Variants in TMPO observed in about 807,000 individuals in gnomAD.
TMPO encodes LEM domain containing 4.
In TMPO, 22 loss-of-function variants were observed where a neutral mutation model predicts 45.4. The observed-to-expected ratio is 0.48, with a 90% CI of 0.35 to 0.69. TMPO has a LOEUF of 0.69. TMPO is among the 30% of genes least tolerant of loss of function. TMPO has a pLI of 0.01. For synonymous variants in TMPO, 241 were observed against 204.1 expected, an observed-to-expected ratio of 1.18 and a Z score of -1.54; for missense variants, 512 against 548.8, an observed-to-expected ratio of 0.93 and a Z score of 0.67.
chr12:98,538,258 T>C (rs1391746800), intron 4 of TMPO, among the ~76,000 whole-genome samples: 1 of 152,256 alleles, frequency 6.6e-6, no homozygotes, highest in Non-Finnish European at 1.5e-5. Context: ...TGATGCTTTA[T>C]AAGACAGCTA....
intron 1 of TMPO, among the ~76,000 whole-genome samples, chr12:98,524,055 C>T (rs1225165409): frequency 1.3e-5 from 2 of 152,050 alleles, no homozygotes; most frequent in Non-Finnish European, 2.9e-5. Flanking sequence ...TTTTTCCTTC[C>T]CCAGATTTGA....
intron 1 of TMPO, among the ~76,000 whole-genome samples, chr12:98,518,209 C>T (rs1876039849): frequency 6.6e-6 from 1 of 150,690 alleles, no homozygotes; most frequent in Non-Finnish European, 1.5e-5. Flanking sequence ...TTATAAAAAA[C>T]CTAATTTTCT....
At chr12:98,538,216 C>CATTGTTTACATTAGA (rs1218013559) in intron 4 of TMPO, among the ~76,000 whole-genome samples, 1 of 152,112 alleles carries the variant, frequency 6.6e-6, no homozygotes, top group African/African-American at 2.4e-5. Context: ...TTACAGAGAA[C>CATTGTTTACATTAGA]AAATTATTGA....
intron 1 of TMPO, among the ~76,000 whole-genome samples, chr12:98,516,688 G>A (rs1194316872): frequency 5.3e-5 from 8 of 152,160 alleles, no homozygotes; most frequent in East Asian, 1.9e-4. Flanking sequence ...AACCGTTTAT[G>A]TTTTCTAGTT....
chr12:98,532,143 T>C lies in TMPO; in HGVS notation c.565+305T>C. On this transcript the variant is annotated intron_variant, in intron 3 of 8. Transcript: ENST00000556029. ...AAAGGCAAAGTTTCTCGTACTTACC[T>C]GTACCTATCACCTCCACAGAAGTAA... The C allele has an allele frequency of 1.7e-5, 5 of 287,060 alleles. No individual in the cohort carries two copies. In the South Asian group the frequency reaches 2.0e-4, roughly 11 times the overall value. The allele number at this position is 287,060 out of a possible 1,614,324, so 17.8% of individuals were successfully genotyped here.
rs748775293 is a variant in TMPO at position 98,533,244 on chromosome 12, T to G, written c.565+1406T>G. 3 of 1,613,820 alleles carry G rather than the reference T, an allele frequency of 1.9e-6. No individual in the cohort carries two copies. Among genetic ancestry groups the G allele is most frequent in the Non-Finnish European group, 1.7e-6 (2 of 1,180,032 alleles). On this transcript the variant is annotated intron_variant, in intron 3 of 8. Coordinates refer to ENST00000556029, the MANE Select transcript of TMPO (RefSeq NM_001032283.3). ...ACTATAAAGACATAGTAGAAAATATTTGCGGTAGAGAGAAAAGTGGAATTC... is the reference window on the plus strand; with the variant it reads ...ACTATAAAGACATAGTAGAAAATATGTGCGGTAGAGAGAAAAGTGGAATTC...
chr12:98,545,128 TG>T lies in TMPO; in HGVS notation c.990+68del, dbSNP rs370898654. On this transcript the variant is annotated intron_variant, in intron 7 of 8. Transcript: ENST00000556029. ...CAAAGAGGAAATATAAATATTTGTT[TG>T]TTTTTTTTTTTTTTTTTTGGAGTGG... 2,984 of 1,182,662 alleles carry T rather than the reference TG, an allele frequency of 2.5e-3. 13 individuals are homozygous for T. The highest frequency in any genetic ancestry group is 0.017 in the East Asian group (663 of 38,280). The allele number at this position is 1,182,662 out of a possible 1,614,324, so 73.3% of individuals were successfully genotyped here.
chr12:98,528,112 T>G, intron 2 of TMPO, 100 bp downstream of exon 2: 1 of 1,360,094 alleles, frequency 7.4e-7, no homozygotes, highest in Admixed American at 1.7e-5. Context: ...AAGGACTGGT[T>G]TGTCATTAAT....
At chr12:98,538,980 C>A (rs1381971573) in intron 4 of TMPO, among the ~76,000 whole-genome samples, 1 of 152,032 alleles carries the variant, frequency 6.6e-6, no homozygotes, top group East Asian at 2.0e-4. Context: ...GCGGGCGGAT[C>A]ACCTGAGGTC....
intron 3 of TMPO, chr12:98,535,507 T>G: frequency 1.0e-6 from 1 of 985,316 alleles, no homozygotes; most frequent in Non-Finnish European, 1.2e-6. Flanking sequence ...TTTCTGAGAG[T>G]AATTTTATTT....
chr12:98,519,769 C>T (rs1876188189), intron 1 of TMPO, among the ~76,000 whole-genome samples: 1 of 152,006 alleles, frequency 6.6e-6, no homozygotes, highest in African/African-American at 2.4e-5. Context: ...AATTAGGAGT[C>T]TGTTCGATGT....
chr12:98,521,422 A>G (rs1239809834), intron 1 of TMPO, among the ~76,000 whole-genome samples: 1 of 151,734 alleles, frequency 6.6e-6, no homozygotes, highest in South Asian at 2.1e-4. Context: ...TATGGGGAAC[A>G]TTTTTAATTA....
At chr12:98,526,200 A>G (rs545512866) in intron 1 of TMPO, among the ~76,000 whole-genome samples, 1 of 152,368 alleles carries the variant, frequency 6.6e-6, no homozygotes, top group East Asian at 1.9e-4. Context: ...TCTGGTGACT[A>G]AACTGTGTCA....
At chr12:98,519,004 C>G (rs1199288385) in intron 1 of TMPO, among the ~76,000 whole-genome samples, 5 of 151,976 alleles carry the variant, frequency 3.3e-5, no homozygotes, top group Non-Finnish European at 7.4e-5. Context: ...GCCTCCGCCT[C>G]CCGAGTAGCT....
chr12:98,535,893 T>C (rs1877536560), intron 3 of TMPO, among the ~76,000 whole-genome samples: 1 of 152,240 alleles, frequency 6.6e-6, no homozygotes, highest in Non-Finnish European at 1.5e-5. Flanking sequence ...AACCGATTTC[T>C]ATTCCACTAC....
rs906222080 is a variant in TMPO, at chr12:98,515,627, C to T, written c.-241C>T. The T allele has an allele frequency of 9.2e-5, 64 of 697,372 alleles. No individual in the cohort carries two copies. The East Asian group carries it at 1.0e-3, about 11-fold the overall frequency. 43.2% of individuals were successfully genotyped at this position (697,372 alleles called of 1,614,324 possible). A position where few individuals can be genotyped will look rare whatever the true frequency, so the allele number is the denominator to read the frequency against. ...TCGCCTCCTGCCTGTAGTGTGTGGG[C>T]TGGGGTTGGTGCGAGCTTCCAGCTT... On this transcript the variant is annotated 5_prime_UTR_variant, in exon 1 of 9. Coordinates refer to ENST00000556029, the MANE Select transcript of TMPO (RefSeq NM_001032283.3).
intron 8 of TMPO, 58 bp from the exon 9 acceptor site, chr12:98,547,515 C>A: frequency 6.2e-7 from 1 of 1,601,304 alleles, no homozygotes. Flanking sequence ...TATGTTATTT[C>A]TCTAAATCAT....
At chr12:98,542,839 C>G (rs1292821807) in intron 4 of TMPO, among the ~76,000 whole-genome samples, 1 of 151,852 alleles carries the variant, frequency 6.6e-6, no homozygotes, top group Non-Finnish European at 1.5e-5. Context: ...GCCTGGGCAA[C>G]AGAGCGAGAT....
At chr12:98,531,328 C>G (rs1367875285) in intron 2 of TMPO, among the ~76,000 whole-genome samples, 3 of 150,644 alleles carry the variant, frequency 2.0e-5, no homozygotes, top group Admixed American at 2.0e-4. Flanking sequence ...CCTCTGCCTT[C>G]CAATTTCAAG....
Sources: allele counts gnomAD v4.1 joint callset (sites outside exome capture counted in the v4.1 genomes callset), GRCh38; gene constraint gnomAD v4.1.1; transcripts MANE v1.5; gene names NCBI Gene and HGNC (gene_info 2026-07-23, HGNC 2026-07-21).